SLC6A9: variants seen among roughly 807,000 people sequenced by gnomAD.
SLC6A9 encodes the protein sodium- and chloride-dependent glycine transporter 1.
Under a neutral mutation model 70.9 loss-of-function variants are expected in SLC6A9, and 31 were observed. That is an observed-to-expected ratio of 0.44 (90% CI 0.33 to 0.59). SLC6A9 has a LOEUF of 0.59. Among genes scored for constraint, SLC6A9 ranks in the 20% least tolerant of loss-of-function variants. SLC6A9 has a pLI of 0.04. For synonymous variants in SLC6A9, 310 were observed against 341.3 expected (o/e 0.91, Z 1.01); for missense variants, 631 against 845.2 (o/e 0.75, Z 3.14).
chr1:44,001,105 A>G lies in SLC6A9; in HGVS notation c.1336-50T>C, dbSNP rs200266258. On this transcript the variant is annotated intron_variant, in intron 10 of 13. Transcript: ENST00000372310. ...GAGGCGCCTGCAGCCCGGGCTCCCC[A>G]ACCCTTCCCTGCACGTCCTGGCAAC... The G allele has an allele frequency of 1.0e-4, 167 of 1,611,816 alleles. No homozygotes were observed. The African/African-American group carries it at 1.9e-3, about 18-fold the overall frequency.
At chr1:43,998,301 ATCAG>A (rs1389879763) in intron 12 of SLC6A9, among the ~76,000 whole-genome samples, 2 of 152,158 alleles carry the variant, frequency 1.3e-5, no homozygotes, top group Non-Finnish European at 2.9e-5. Context: ...CGCCTTTGGA[ATCAG>A]TCAGTTCTGC....
rs925666637 is a variant in SLC6A9, at chr1:43,997,861, G to A, written c.1701C>T (p.Leu567=). 1.9e-6 allele frequency: 3 copies of A among 1,608,234 alleles called. No individual in the cohort carries two copies. The highest frequency in any genetic ancestry group is 2.6e-6 in the Non-Finnish European group (3 of 1,176,218). The part of the protein sequence containing the change: ...FRLCRTDGDT[L]LQRLKNATKP... ...AGCCTGTCCCTGCCCTCACCTGGAG[G>A]AGGGTGTCCCCGTCTGTGCGGCAGA... The change falls in exon 13 of 14, where the codon CTC becomes CTT. Residue 567 remains leucine, a synonymous_variant. Coordinates refer to ENST00000372310, the MANE Select transcript of SLC6A9 (RefSeq NM_001024845.3). This position sits in a 1 kb window ranked among gnomAD's most constrained non-coding sequence, Gnocchi z 4.4.
chr1:44,025,684 C>T (rs1226645856), intron 1 of SLC6A9, among the ~76,000 whole-genome samples: 1 of 151,844 alleles, frequency 6.6e-6, no homozygotes, highest in Admixed American at 6.6e-5. Context: ...CCTGTAATCC[C>T]AGCTACTCGG....
At chr1:44,015,141 T>G (rs902664642) in intron 2 of SLC6A9, among the ~76,000 whole-genome samples, 20 of 152,072 alleles carry the variant, frequency 1.3e-4, no homozygotes, top group Non-Finnish European at 1.2e-4. Flanking sequence ...ACAAAAAAAT[T>G]AGAAAATACA....
At chr1:43,998,755 A>G (rs1026245877) in intron 12 of SLC6A9, among the ~76,000 whole-genome samples, 2 of 152,226 alleles carry the variant, frequency 1.3e-5, no homozygotes, top group Non-Finnish European at 2.9e-5. Flanking sequence ...GAAAGAGGGT[A>G]GGGCAAAGCC....
Position 44,024,386 on chromosome 1 carries a change from G to A in SLC6A9, c.-85-24C>T, listed in dbSNP as rs201584934. The A allele has an allele frequency of 3.3e-4, 463 of 1,416,336 alleles. 1 individual carries two copies. Among genetic ancestry groups the A allele is most frequent in the Non-Finnish European group, 4.3e-4 (429 of 1,002,834 alleles). 87.7% of individuals were successfully genotyped at this position (1,416,336 alleles called of 1,614,324 possible). A position where few individuals can be genotyped will look rare whatever the true frequency, so the allele number is the denominator to read the frequency against. On this transcript the variant is annotated intron_variant, in intron 1 of 13. Coordinates refer to ENST00000372310, the MANE Select transcript of SLC6A9 (RefSeq NM_001024845.3). ...AGCTGTGGAGAGAGCAGAGGGTGAG[G>A]TGAGGACTTGGCCGTGTGGCCCACA...
Position 43,997,223 on chromosome 1 carries a change from G to A in SLC6A9, c.*322C>T. 1 of 319,440 alleles carries A rather than the reference G, an allele frequency of 3.1e-6. No homozygotes were observed. The highest frequency in any genetic ancestry group is 5.8e-6 in the Non-Finnish European group (1 of 171,804). 19.8% of individuals were successfully genotyped at this position (319,440 alleles called of 1,614,324 possible). On this transcript the variant is annotated 3_prime_UTR_variant, in exon 14 of 14. Transcript: ENST00000372310. This position sits in a 1 kb window ranked among gnomAD's most constrained non-coding sequence, Gnocchi z 4.4. ...GGCCCACCCAGAACCTCAGCTCAGG[G>A]CAGGGTATAAGGGTATCGGAGGCCA...
At chr1:44,015,769 G>T in intron 2 of SLC6A9, 3 of 756,500 alleles carry the variant, frequency 4.0e-6, no homozygotes, top group South Asian at 5.9e-5. Flanking sequence ...ACTGAGTAGG[G>T]GCAGAGAGAC....
chr1:44,017,367 CAACACA>C, intron 2 of SLC6A9: 1 of 1,163,836 alleles, frequency 8.6e-7, no homozygotes, highest in Admixed American at 4.6e-5. Flanking sequence ...GTAACTGGAA[CAACACA>C]CACACACACA....
chr1:43,998,985 G>GT (rs1553160181), intron 12 of SLC6A9, among the ~76,000 whole-genome samples: 4 of 151,448 alleles, frequency 2.6e-5, no homozygotes, highest in African/African-American at 7.3e-5. Context: ...CGGGGGAAGG[G>GT]GGGGGGCAGT....
intron 2 of SLC6A9, among the ~76,000 whole-genome samples, chr1:44,019,566 G>T (rs911677435): frequency 3.3e-5 from 5 of 152,278 alleles, no homozygotes; most frequent in South Asian, 2.1e-4. Flanking sequence ...CCGAGGGTGG[G>T]CTCTGGGCTC....
Position 44,000,833 on chromosome 1 carries a change from C to G in SLC6A9, c.1470G>C (p.Met490Ile). 6.2e-7 allele frequency: 1 copy of G among 1,611,958 alleles called. No homozygotes were observed. Among genetic ancestry groups the G allele is most frequent in the Non-Finnish European group, 8.5e-7 (1 of 1,178,994 alleles). Residue 490 changes from methionine (M) to isoleucine (I), a missense_variant, in exon 12 of 14, where the codon ATG (methionine) becomes ATC (isoleucine). Physicochemically the swap from Met to Ile is conservative, Grantham distance 10 (BLOSUM62 1). Coordinates refer to ENST00000372310, the MANE Select transcript of SLC6A9 (RefSeq NM_001024845.3). ...AGAAGAGGGGTGGTGGGAATCCCAG[C>G]ATCATCTGGATGTCCTGGAAGTAGT... ...HRNYFQDIQM[M>I]LGFPPPLFFQ...
chr1:44,012,107 C>A (rs1490838016), intron 2 of SLC6A9, among the ~76,000 whole-genome samples: 1 of 152,200 alleles, frequency 6.6e-6, no homozygotes, highest in African/African-American at 2.4e-5. Context: ...AGATGGAGCC[C>A]CGTAGCCTCA....
chr1:43,999,526 C>T (rs1407552642), intron 12 of SLC6A9, among the ~76,000 whole-genome samples: 1 of 152,056 alleles, frequency 6.6e-6, no homozygotes, highest in Non-Finnish European at 1.5e-5. Context: ...AGGCTGAGCT[C>T]CCCTTGGGCC....
rs766633264 is a variant in SLC6A9, at chr1:44,002,369, C to G, written c.906G>C (p.Ala302=). Residue 302 remains alanine, a synonymous_variant, in exon 8 of 14, where the codon GCG becomes GCC. Transcript: ENST00000372310. This position sits in a 1 kb window ranked among gnomAD's most constrained non-coding sequence, Gnocchi z 5.5. ...AAGCCATGGTGATGAGGCCTCCCCA[C>G]GCGCAGCCCAGTGAGTAGAAGATCT... ...ASQIFYSLGC[A]WGGLITMASY... 6.2e-7 allele frequency: 1 copy of G among 1,613,994 alleles called. No individual in the cohort carries two copies. The highest frequency in any genetic ancestry group is 1.6e-4 in the Middle Eastern group (1 of 6,084).
chr1:44,010,904 T>C lies in SLC6A9; in HGVS notation c.31-22A>G, dbSNP rs371639931. The C allele has an allele frequency of 1.5e-5, 24 of 1,613,486 alleles. No individual in the cohort carries two copies. The African/African-American group carries it at 2.9e-4, about 20-fold the overall frequency. Reference sequence around the variant, plus strand: ...CATTCTGTGGGGACAGGAGAGAAGCTACCATCAGCAAGGCATTTGTGCTCC... The same window carrying C: ...CATTCTGTGGGGACAGGAGAGAAGCCACCATCAGCAAGGCATTTGTGCTCC... On this transcript the variant is annotated intron_variant, in intron 2 of 13. Coordinates refer to ENST00000372310, the MANE Select transcript of SLC6A9 (RefSeq NM_001024845.3).
At chr1:44,010,676 G>A (rs1457625602) in intron 3 of SLC6A9, 50 bp downstream of exon 3, 1 of 1,580,012 alleles carries the variant, frequency 6.3e-7, no homozygotes, top group African/African-American at 1.3e-5. Flanking sequence ...AGGCCCTGGT[G>A]GGTGGGCTCT....
At chr1:44,008,880 TG>T (rs1195538734) in intron 4 of SLC6A9, among the ~76,000 whole-genome samples, 1 of 151,410 alleles carries the variant, frequency 6.6e-6, no homozygotes, top group African/African-American at 2.4e-5. Flanking sequence ...CCACCACGCC[TG>T]GCTAATTTTT....
At chr1:44,001,817 T>C (rs2086120119) in intron 8 of SLC6A9, among the ~76,000 whole-genome samples, 190 bp from the exon 9 acceptor site, 1 of 152,158 alleles carries the variant, frequency 6.6e-6, no homozygotes, top group Admixed American at 6.5e-5. Flanking sequence ...AGCCTTGACC[T>C]CTTGGTCTCA....
Sources: gnomAD v4.1 joint callset for allele counts (sites outside exome capture counted in the v4.1 genomes callset) on GRCh38, gnomAD v4.1.1 for gene constraint, Gnocchi (gnomAD v3.1) non-coding constraint, MANE v1.5 for transcripts, NCBI Gene and HGNC (gene_info 2026-07-23, HGNC 2026-07-21) for gene names.